Variants in ABI3 observed in about 807,000 individuals in gnomAD.
ABI3 encodes ABI gene family member 3.
A neutral mutation model predicts 37.0 loss-of-function variants in ABI3; 24 were observed. The ratio of observed to expected loss-of-function variants is 0.65; its 90% CI spans 0.47 to 0.91. ABI3 has a LOEUF of 0.91. Ranked by LOEUF, ABI3 falls within the 40% of genes least tolerant of loss-of-function variation. The pLI is 0.00. For synonymous variants in ABI3, 220 were observed against 211.8 expected (o/e 1.04, Z -0.34); for missense variants, 481 against 485.1 (o/e 0.99, Z 0.08).
In ABI3 at chr17:49,217,912, C is replaced by G; in HGVS notation, c.459C>G (p.Ile153Met). Reference protein sequence around the residue: ...FGCLDDIGHGIKDLSTQLSRT... With the variant: ...FGCLDDIGHGMKDLSTQLSRT... Reference sequence around the variant, plus strand: ...GCCTGGACGACATTGGCCATGGGATCAAGGTAGAGAGAGGGGCCCTCCTCT... The same window carrying G: ...GCCTGGACGACATTGGCCATGGGATGAAGGTAGAGAGAGGGGCCCTCCTCT... Residue 153 changes from isoleucine (I) to methionine (M), a missense_variant, in exon 3 of 8, where the codon ATC becomes ATG. Coordinates refer to ENST00000225941, the MANE Select transcript of ABI3 (RefSeq NM_016428.3). 6.5e-7 allele frequency: 1 copy of G among 1,542,308 alleles called. No individual in the cohort carries two copies. Among genetic ancestry groups the G allele is most frequent in the Non-Finnish European group, 8.7e-7 (1 of 1,149,982 alleles).
At position 49,220,341 on chromosome 17, in the gene ABI3, C is replaced by A; in HGVS notation, c.802+15C>A. The stretch of plus-strand genomic sequence containing the variant: ...ACCCCCACCGGGTAAGGAGGTCCAC[C>A]CTCTTCTTCCCAACCGTGGGGTCGC... On this transcript the variant is annotated intron_variant, in intron 6 of 7. Coordinates refer to ENST00000225941, the MANE Select transcript of ABI3 (RefSeq NM_016428.3). The A allele has an allele frequency of 6.4e-7, 1 of 1,560,892 alleles. No individual in the cohort carries two copies. The highest frequency in any genetic ancestry group is 1.2e-5 in the South Asian group (1 of 85,318).
intron 1 of ABI3, among the ~76,000 whole-genome samples, chr17:49,213,343 C>G (rs2043188023): frequency 6.6e-6 from 1 of 152,210 alleles, no homozygotes; most frequent in Admixed American, 6.5e-5. Flanking sequence ...AGAGTACTAA[C>G]TACTAGAACA....
chr17:49,222,426 CAAG>C lies in ABI3; in HGVS notation c.938-122_938-120del, dbSNP rs1008012824. 2.8e-5 allele frequency: 39 copies of C among 1,394,420 alleles called. No individual in the cohort carries two copies. In the East Asian group the frequency reaches 4.4e-4, roughly 16 times the overall value. 86.4% of individuals were successfully genotyped at this position (1,394,420 alleles called of 1,614,324 possible). A position where few individuals can be genotyped will look rare whatever the true frequency, so the allele number is the denominator to read the frequency against. ...GCTGGGGAGGGGTCCTGAAGGCTTGCAAGAAGGCCCCCAAGATGGCCCCTAGAG... is the reference window on the plus strand; with the variant it reads ...GCTGGGGAGGGGTCCTGAAGGCTTGCAAGGCCCCCAAGATGGCCCCTAGAG... On this transcript the variant is annotated intron_variant, in intron 7 of 7. Coordinates refer to ENST00000225941, the MANE Select transcript of ABI3 (RefSeq NM_016428.3).
chr17:49,213,024 CA>C (rs1240861667), intron 1 of ABI3, among the ~76,000 whole-genome samples: 1 of 152,226 alleles, frequency 6.6e-6, no homozygotes, highest in African/African-American at 2.4e-5. Context: ...AGACCTAAGT[CA>C]AATTTCCAGT....
In ABI3 at chr17:49,222,544, C is replaced by T; in HGVS notation, c.938-8C>T. Reference sequence around the variant, plus strand: ...TATCTCACGGCACCCTCTTCTCTTGCCCTGCAGTGGTGACACTGTACCCAT... The same window carrying T: ...TATCTCACGGCACCCTCTTCTCTTGTCCTGCAGTGGTGACACTGTACCCAT... On this transcript the variant is annotated splice_polypyrimidine_tract_variant and splice_region_variant and intron_variant, in intron 7 of 7. Coordinates refer to ENST00000225941, the MANE Select transcript of ABI3 (RefSeq NM_016428.3). The T allele has an allele frequency of 1.9e-6, 3 of 1,613,336 alleles. No homozygotes were observed. The highest frequency in any genetic ancestry group is 2.5e-6 in the Non-Finnish European group (3 of 1,179,708).
chr17:49,217,512 T>C lies in ABI3; in HGVS notation c.286-227T>C, dbSNP rs146947700. Among the ~76,000 whole-genome samples the C allele has an allele frequency of 1.2e-3, 178 of 150,238 alleles. 1 individual carries two copies. Among genetic ancestry groups the C allele is most frequent in the African/African-American group, 2.9e-3 (117 of 40,902 alleles). Reference sequence around the variant, plus strand: ...TTCCTGCACAGCTAATAATAACCCATACTCTCTTTCCACCAGGAAGTTGCT... The same window carrying C: ...TTCCTGCACAGCTAATAATAACCCACACTCTCTTTCCACCAGGAAGTTGCT... On this transcript the variant is annotated intron_variant, in intron 2 of 7. Transcript: ENST00000225941.
chr17:49,221,410 G>A (rs1400036863), intron 6 of ABI3, among the ~76,000 whole-genome samples: 1 of 152,126 alleles, frequency 6.6e-6, no homozygotes, highest in Non-Finnish European at 1.5e-5. Flanking sequence ...GGTGGGGCTT[G>A]CAGTGAGCCG....
Position 49,222,134 on chromosome 17 carries a change from C to T in ABI3, c.846C>T (p.Pro282=), listed in dbSNP as rs771368722. 2.5e-6 allele frequency: 4 copies of T among 1,613,626 alleles called. No individual in the cohort carries two copies. Among genetic ancestry groups the T allele is most frequent in the Middle Eastern group, 1.7e-4 (1 of 6,044 alleles). Reference sequence around the variant, plus strand: ...CACTGGACCTGCCTCCTCCTCCACCCCTGGATGGAGATGAATTGGGGCTGC... The same window carrying T: ...CACTGGACCTGCCTCCTCCTCCACCTCTGGATGGAGATGAATTGGGGCTGC... ...PLPLDLPPPP[P]LDGDELGLPP... The change falls in exon 7 of 8, where the codon CCC becomes CCT. Residue 282 remains proline, a synonymous_variant. Coordinates refer to ENST00000225941, the MANE Select transcript of ABI3 (RefSeq NM_016428.3).
In ABI3 at chr17:49,219,579, C is replaced by T. The variant is rs747375431; in HGVS notation, c.502C>T (p.Arg168Ter). 4 of 1,604,150 alleles carry T rather than the reference C, an allele frequency of 2.5e-6. No individual in the cohort carries two copies. The highest frequency in any genetic ancestry group is 2.2e-5 in the South Asian group (2 of 89,610). ...GCTGTCAAGAACAGGCACCCTGTCT[C>T]GAAAGAGCATCAAGGCCCCTGCCAC... ...TQLSRTGTLS[R>*]KSIKAPATPA... The change falls in exon 4 of 8, where the codon CGA (arginine) becomes TGA (stop). Residue 168 changes from arginine (R) to a stop codon, truncating the protein, a stop_gained. Coordinates refer to ENST00000225941, the MANE Select transcript of ABI3 (RefSeq NM_016428.3). LOFTEE classifies it high-confidence loss of function. The surrounding 1 kb of genome is among the most constrained non-coding windows in gnomAD (Gnocchi z 4.3).
rs1203142668 is a variant in ABI3 at position 49,219,278 on chromosome 17, G to A, written c.463-262G>A. ...GATGGTCTGGGGGAGGGACAGGGGTGCTGGGCCCACTCAACCCGCTGTGGC... is the reference window on the plus strand; with the variant it reads ...GATGGTCTGGGGGAGGGACAGGGGTACTGGGCCCACTCAACCCGCTGTGGC... On this transcript the variant is annotated intron_variant, in intron 3 of 7. Coordinates refer to ENST00000225941, the MANE Select transcript of ABI3 (RefSeq NM_016428.3). This position sits in a 1 kb window ranked among gnomAD's most constrained non-coding sequence, Gnocchi z 4.3. 1.3e-5 allele frequency among the ~76,000 whole-genome samples: 2 copies of A among 152,142 alleles called. No individual in the cohort carries two copies. The highest frequency in any genetic ancestry group is 2.9e-5 in the Non-Finnish European group (2 of 68,030).
In ABI3 at chr17:49,222,759, T is replaced by C; in HGVS notation, c.*44T>C. On this transcript the variant is annotated 3_prime_UTR_variant, in exon 8 of 8. Coordinates refer to ENST00000225941, the MANE Select transcript of ABI3 (RefSeq NM_016428.3). ...GCAGCTGATGTCTGCACTGAGTGGGTTTCATGAGCCCCAAGCCAAAACCAG... is the reference window on the plus strand; with the variant it reads ...GCAGCTGATGTCTGCACTGAGTGGGCTTCATGAGCCCCAAGCCAAAACCAG... 5 of 1,525,544 alleles carry C rather than the reference T, an allele frequency of 3.3e-6. No individual in the cohort carries two copies. Among genetic ancestry groups the C allele is most frequent in the Non-Finnish European group, 4.4e-6 (5 of 1,135,536 alleles). The allele number at this position is 1,525,544 out of a possible 1,614,324, so 94.5% of individuals were successfully genotyped here.
rs1382724442 is a variant in ABI3 at position 49,219,084 on chromosome 17, G to A, written c.463-456G>A. 6.6e-6 allele frequency among the ~76,000 whole-genome samples: 1 copy of A among 152,112 alleles called. No homozygotes were observed. Among genetic ancestry groups the A allele is most frequent in the Admixed American group, 6.5e-5 (1 of 15,274 alleles). ...TTTGCGCATCCCCTCTAAGTGGCCT[G>A]GGTCTTGCTCCTCTCTGCCCTAACT... On this transcript the variant is annotated intron_variant, in intron 3 of 7. Transcript: ENST00000225941. The surrounding 1 kb of genome is among the most constrained non-coding windows in gnomAD (Gnocchi z 4.3).
rs2043306909 is a variant in ABI3 at position 49,222,724 on chromosome 17, G to A, written c.*9G>A. 1.3e-6 allele frequency: 2 copies of A among 1,552,618 alleles called. No homozygotes were observed. Among genetic ancestry groups the A allele is most frequent in the Non-Finnish European group, 8.7e-7 (1 of 1,149,424 alleles). On this transcript the variant is annotated 3_prime_UTR_variant, in exon 8 of 8. Transcript: ENST00000225941. ...TGGAGCCCAGCTGCTGACAGCCCAG[G>A]GCTCTCTGGGCAGCTGATGTCTGCA... is the stretch of plus-strand genomic sequence containing the variant.
chr17:49,217,706 C>A (rs765366939), intron 2 of ABI3, 33 bp from the exon 3 acceptor site: 44 of 1,579,572 alleles, frequency 2.8e-5, no homozygotes, highest in Non-Finnish European at 3.7e-5. Flanking sequence ...ACACAGACCA[C>A]CCCTCTCTGT....
At chr17:49,217,084 C>G (rs1293624384) in intron 2 of ABI3, among the ~76,000 whole-genome samples, 1 of 152,152 alleles carries the variant, frequency 6.6e-6, no homozygotes, top group Non-Finnish European at 1.5e-5. Flanking sequence ...GAAGCACAGC[C>G]ACCACTATAC....
chr17:49,213,851 C>T (rs2043194301), intron 1 of ABI3, among the ~76,000 whole-genome samples: 1 of 152,186 alleles, frequency 6.6e-6, no homozygotes, highest in South Asian at 2.1e-4. Context: ...CTGCTCAGTT[C>T]TGGGCCTGTT....
At chr17:49,216,727 CT>C (rs777850091) in intron 2 of ABI3, 29 bp downstream of exon 2, 16 of 1,459,510 alleles carry the variant, frequency 1.1e-5, no homozygotes, top group Non-Finnish European at 1.4e-5. Context: ...GGGAAGGCAT[CT>C]TGTGTCAGGC....
chr17:49,219,550 C>G lies in ABI3; in HGVS notation c.473C>G (p.Thr158Arg), dbSNP rs1408970127. Residue 158 changes from threonine (T) to arginine (R), a missense_variant, in exon 4 of 8, where the codon ACG (threonine) becomes AGG (arginine). Thr to Arg is a moderately conservative substitution (Grantham distance 71). Coordinates refer to ENST00000225941, the MANE Select transcript of ABI3 (RefSeq NM_016428.3). The surrounding 1 kb of genome is among the most constrained non-coding windows in gnomAD (Gnocchi z 4.3). ...DIGHGIKDLS[T>R]QLSRTGTLSR... is the part of the protein sequence containing the mutation. Reference sequence around the variant, plus strand: ...CCCGCTCCCTCGCAGGACCTCAGCACGCAGCTGTCAAGAACAGGCACCCTG... The same window carrying G: ...CCCGCTCCCTCGCAGGACCTCAGCAGGCAGCTGTCAAGAACAGGCACCCTG... 7 of 1,603,684 alleles carry G rather than the reference C, an allele frequency of 4.4e-6. No individual in the cohort carries two copies. Among genetic ancestry groups the G allele is most frequent in the Non-Finnish European group, 5.1e-6 (6 of 1,175,502 alleles).
chr17:49,222,938 C>A lies in ABI3; in HGVS notation c.*223C>A, dbSNP rs1010465339. 4 of 594,870 alleles carry A rather than the reference C, an allele frequency of 6.7e-6. No individual in the cohort carries two copies. The African/African-American group carries it at 7.4e-5, about 11-fold the overall frequency. 36.8% of individuals were successfully genotyped at this position (594,870 alleles called of 1,614,324 possible). ...AAGAGCTGGAAACCAAGAAGTTTGT[C>A]AACAGAGGACCCCTACTCCATGCAG... is the stretch of plus-strand genomic sequence containing the variant. On this transcript the variant is annotated 3_prime_UTR_variant, in exon 8 of 8. Coordinates refer to ENST00000225941, the MANE Select transcript of ABI3 (RefSeq NM_016428.3).
Sources: allele counts gnomAD v4.1 joint callset (sites outside exome capture counted in the v4.1 genomes callset), GRCh38; gene constraint gnomAD v4.1.1; non-coding constraint Gnocchi (gnomAD v3.1); transcripts MANE v1.5; gene names NCBI Gene and HGNC (gene_info 2026-07-23, HGNC 2026-07-21).